The following DOCK3 variants were observed in gnomAD, a reference collection of about 807,000 sequenced individuals.
DOCK3 encodes the protein dedicator of cytokinesis 3, also known as dedicator of cytokinesis protein 3.
A neutral mutation model predicts 265.6 loss-of-function variants in DOCK3; 60 were observed. The observed-to-expected ratio is 0.23, with a 90% CI of 0.18 to 0.28. DOCK3 has a LOEUF of 0.28. Ranked by LOEUF, DOCK3 falls within the 10% of genes least tolerant of loss-of-function variation. The pLI is 1.00. For missense variants in DOCK3, 1,981 were observed against 2,594.3 expected, an observed-to-expected ratio of 0.76 and a Z score of 5.14; for synonymous variants, 881 against 938.0, an observed-to-expected ratio of 0.94 and a Z score of 1.11.
chr3:51,306,039 T>G (rs995659475), intron 27 of DOCK3, among the ~76,000 whole-genome samples: 2 of 150,888 alleles, frequency 1.3e-5, no homozygotes, highest in African/African-American at 4.9e-5. Flanking sequence ...TTTTTTAAAT[T>G]TATTGTTGTA....
chr3:51,355,132 C>T, intron 41 of DOCK3, 109 bp downstream of exon 41: 1 of 1,423,804 alleles, frequency 7.0e-7, no homozygotes. Context: ...TTTAGATATC[C>T]CATAGTCCTA....
intron 27 of DOCK3, among the ~76,000 whole-genome samples, chr3:51,281,594 A>ATTTG (rs2081121012): frequency 6.6e-6 from 1 of 151,120 alleles, no homozygotes; most frequent in Non-Finnish European, 1.5e-5. Context: ...TTTCCTAGAG[A>ATTTG]TTTGCTCCCC....
intron 3 of DOCK3, among the ~76,000 whole-genome samples, chr3:50,849,509 T>C (rs2046258373): frequency 6.6e-6 from 1 of 151,888 alleles, no homozygotes; most frequent in Non-Finnish European, 1.5e-5. Context: ...GGTTGGAGTG[T>C]GGTGGCATGA....
intron 1 of DOCK3, among the ~76,000 whole-genome samples, chr3:50,766,266 TCC>T (rs1385756456): frequency 1.1e-5 from 1 of 91,500 alleles, no homozygotes. Context: ...ATGCTATCCC[TCC>T]CCCCTCCCCC....
chr3:50,836,364 T>C (rs954606270), intron 2 of DOCK3, among the ~76,000 whole-genome samples: 3 of 152,248 alleles, frequency 2.0e-5, no homozygotes, highest in African/African-American at 7.2e-5. Context: ...CGGAGGTTCC[T>C]AAACCTCAAT....
chr3:50,683,006 C>T (rs894014886), intron 1 of DOCK3, among the ~76,000 whole-genome samples: 8 of 152,200 alleles, frequency 5.3e-5, no homozygotes, highest in Admixed American at 6.5e-5. Flanking sequence ...TCTTGGCAGA[C>T]GCACCTCAGA....
At chr3:51,234,270 G>T (rs1395412370) in intron 19 of DOCK3, among the ~76,000 whole-genome samples, 1 of 152,088 alleles carries the variant, frequency 6.6e-6, no homozygotes, top group Non-Finnish European at 1.5e-5. Flanking sequence ...TCATATATTT[G>T]TTGGCCATTT....
intron 2 of DOCK3, 132 bp from the exon 3 acceptor site, chr3:50,841,543 T>G (rs564332571): frequency 3.1e-6 from 1 of 321,420 alleles, no homozygotes; most frequent in African/African-American, 2.1e-5. Flanking sequence ...ATGACAACTC[T>G]AGATCCTAAT....
chr3:51,358,177 G>A, intron 46 of DOCK3, 100 bp downstream of exon 46: 1 of 1,247,464 alleles, frequency 8.0e-7, no homozygotes, highest in South Asian at 1.3e-5. Context: ...GAGGGAGCCT[G>A]GGCAGGGGCC....
intron 3 of DOCK3, among the ~76,000 whole-genome samples, chr3:50,841,955 G>A (rs542301410): frequency 7.7e-4 from 117 of 151,848 alleles, no homozygotes; most frequent in Non-Finnish European, 1.3e-3. Context: ...GCCTATTCAG[G>A]CTTTTAAATA....
chr3:51,059,964 A>T (rs1191768111), intron 5 of DOCK3, among the ~76,000 whole-genome samples: 1 of 152,136 alleles, frequency 6.6e-6, no homozygotes, highest in Admixed American at 6.6e-5. Context: ...AATCTTTTAA[A>T]AACCCTTCCT....
At chr3:50,908,133 T>C (rs1403598965) in intron 4 of DOCK3, among the ~76,000 whole-genome samples, 1 of 151,818 alleles carries the variant, frequency 6.6e-6, no homozygotes, top group Non-Finnish European at 1.5e-5. Context: ...GCTAGCGGTC[T>C]ATTTTATTAA....
intron 5 of DOCK3, among the ~76,000 whole-genome samples, chr3:51,010,786 C>G (rs1159320146): frequency 6.6e-6 from 1 of 152,148 alleles, no homozygotes; most frequent in African/African-American, 2.4e-5. Flanking sequence ...TTTACTGCTT[C>G]CATCAGGAGC....
intron 14 of DOCK3, among the ~76,000 whole-genome samples, chr3:51,224,469 G>A (rs1456712466): frequency 6.6e-6 from 1 of 152,176 alleles, no homozygotes; most frequent in Non-Finnish European, 1.5e-5. Context: ...ATTTATCTCT[G>A]ACCAAACCAG....
chr3:50,746,895 C>T (rs2039481504), intron 1 of DOCK3, among the ~76,000 whole-genome samples: 1 of 152,082 alleles, frequency 6.6e-6, no homozygotes, highest in Non-Finnish European at 1.5e-5. Context: ...ACCTTTAACA[C>T]TGGGCATTAC....
intron 5 of DOCK3, among the ~76,000 whole-genome samples, chr3:50,976,763 A>G (rs1382323268): frequency 1.3e-5 from 2 of 148,956 alleles, no homozygotes; most frequent in African/African-American, 2.4e-5. Context: ...TCCCATTATT[A>G]ATGTGTGGGA....
intron 23 of DOCK3, among the ~76,000 whole-genome samples, chr3:51,266,585 C>T (rs1164231777): frequency 6.6e-6 from 1 of 152,146 alleles, no homozygotes; most frequent in African/African-American, 2.4e-5. Context: ...GGAAAGGATT[C>T]CCTATTTAAT....
chr3:50,833,524 GT>G (rs1280822956), intron 2 of DOCK3, among the ~76,000 whole-genome samples: 1 of 152,112 alleles, frequency 6.6e-6, no homozygotes, highest in Non-Finnish European at 1.5e-5. Context: ...CCAGCCATGG[GT>G]TTGTACCCTC....
At chr3:51,080,986 C>G (rs919416927) in intron 7 of DOCK3, among the ~76,000 whole-genome samples, 1 of 150,846 alleles carries the variant, frequency 6.6e-6, no homozygotes, top group Non-Finnish European at 1.5e-5. Flanking sequence ...GATGTTTTGC[C>G]CAGCTGGTGG....
Sources: gnomAD v4.1 joint callset for allele counts (sites outside exome capture counted in the v4.1 genomes callset) on GRCh38, gnomAD v4.1.1 for gene constraint, MANE v1.5 for transcripts, NCBI Gene and HGNC (gene_info 2026-07-23, HGNC 2026-07-21) for gene names.